Variants in CALB2 observed in about 807,000 individuals in gnomAD.
The protein encoded by CALB2 is calretinin.
A neutral mutation model predicts 45.9 loss-of-function variants in CALB2; 34 were observed. The observed-to-expected ratio is 0.74, with a 90% CI of 0.56 to 0.99. The LOEUF is 0.99. Among genes scored for constraint, CALB2 ranks in the 50% least tolerant of loss-of-function variants. The pLI is 0.00. For missense variants in CALB2, 344 were observed against 339.3 expected (o/e 1.01, Z -0.11); for synonymous variants, 142 against 129.6 (o/e 1.10, Z -0.65).
rs768426697 is a variant in CALB2 at position 71,377,648 on chromosome 16, G to A, written c.262-19G>A. 60 of 1,591,790 alleles carry A rather than the reference G, an allele frequency of 3.8e-5. No individual in the cohort carries two copies. The East Asian group carries it at 9.4e-4, about 25-fold the overall frequency. On this transcript the variant is annotated intron_variant, in intron 3 of 10. Coordinates refer to ENST00000302628, the MANE Select transcript of CALB2 (RefSeq NM_001740.5). ...CAAGTCCCTCCATAACGTTAGTGTC[G>A]CTCTCTGTATCTTCACAGCTGGCGC...
rs2042624395 is a variant in CALB2, at chr16:71,390,398, G to A, written c.*533G>A. ...CTTGTTTACCAAAGAAGAGTTTACA[G>A]ACAATAAAATGGAAAGGTCCTGCTG... is the stretch of plus-strand genomic sequence containing the variant. On this transcript the variant is annotated 3_prime_UTR_variant, in exon 11 of 11. Transcript: ENST00000302628. 1 of 152,880 alleles carries A rather than the reference G, an allele frequency of 6.5e-6. No individual in the cohort carries two copies. The highest frequency in any genetic ancestry group is 1.5e-5 in the Non-Finnish European group (1 of 68,594). 9.5% of individuals were successfully genotyped at this position (152,880 alleles called of 1,614,324 possible).
chr16:71,374,845 C>G lies in CALB2; in HGVS notation c.261+11C>G, dbSNP rs756350024. ...ATCGAGATGGCAGAGGTGAGCCCTG[C>G]CTCGCTGGTAAAGAGCTGTGTGGGA... is the stretch of plus-strand genomic sequence containing the variant. On this transcript the variant is annotated intron_variant, in intron 3 of 10. Transcript: ENST00000302628. The G allele has an allele frequency of 1.3e-6, 2 of 1,589,394 alleles. No individual in the cohort carries two copies. The highest frequency in any genetic ancestry group is 1.7e-6 in the Non-Finnish European group (2 of 1,158,142).
intron 1 of CALB2, among the ~76,000 whole-genome samples, chr16:71,362,367 G>A (rs2042244693): frequency 6.6e-6 from 1 of 152,194 alleles, no homozygotes; most frequent in South Asian, 2.1e-4. Context: ...GATAAGATGA[G>A]TTCTCTTCCA....
At position 71,383,884 on chromosome 16, in the gene CALB2, C is replaced by T. The variant is rs2042531727; in HGVS notation, c.478-86C>T. On this transcript the variant is annotated intron_variant, in intron 6 of 10. Coordinates refer to ENST00000302628, the MANE Select transcript of CALB2 (RefSeq NM_001740.5). The stretch of plus-strand genomic sequence containing the variant: ...GAAGCATGAGCACGTGTCACCCGTC[C>T]TCCTTCCCATCCTCTCCAGTAAAAG... The T allele has an allele frequency of 6.1e-6, 9 of 1,481,306 alleles. No homozygotes were observed. The South Asian group carries it at 1.0e-4, about 17-fold the overall frequency. The allele number at this position is 1,481,306 out of a possible 1,614,324, so 91.8% of individuals were successfully genotyped here. A position where few individuals can be genotyped will look rare whatever the true frequency, so the allele number is the denominator to read the frequency against.
At chr16:71,374,089 C>T (rs2042383142) in intron 2 of CALB2, among the ~76,000 whole-genome samples, 1 of 152,164 alleles carries the variant, frequency 6.6e-6, no homozygotes. Flanking sequence ...TATCTCAAAT[C>T]AGGGGAAGGT....
At chr16:71,389,187 C>CAAAATAAAA (rs71389655) in intron 10 of CALB2, among the ~76,000 whole-genome samples, 23,675 of 150,072 alleles carry the variant, frequency 0.16, 2,587 homozygotes, top group East Asian at 0.32. Context: ...GACTCCGCCT[C>CAAAATAAAA]AAAATAAAAA....
intron 2 of CALB2, among the ~76,000 whole-genome samples, 172 bp downstream of exon 2, chr16:71,372,401 A>G (rs2042362869): frequency 6.6e-6 from 1 of 152,162 alleles, no homozygotes; most frequent in Non-Finnish European, 1.5e-5. Context: ...CTATCTCAAT[A>G]TCCTTGGGTG....
Position 71,389,872 on chromosome 16 carries a change from G to A in CALB2, c.*7G>A. ...CAGCGAGCCCCCCATGTAAAGTGGG[G>A]ACGGGGGCTGCTTCTCCACCTCCCC... On this transcript the variant is annotated 3_prime_UTR_variant, in exon 11 of 11. Transcript: ENST00000302628. 1 of 1,597,868 alleles carries A rather than the reference G, an allele frequency of 6.3e-7. No individual in the cohort carries two copies.
At chr16:71,383,891 C>T in intron 6 of CALB2, 79 bp from the exon 7 acceptor site, 1 of 1,510,292 alleles carries the variant, frequency 6.6e-7, no homozygotes, top group South Asian at 1.1e-5. Context: ...GTCCTCCTTC[C>T]CATCCTCTCC....
chr16:71,364,475 C>T (rs1409499733), intron 1 of CALB2, among the ~76,000 whole-genome samples: 2 of 152,214 alleles, frequency 1.3e-5, no homozygotes, highest in African/African-American at 4.8e-5. Flanking sequence ...AACAGTGCCT[C>T]TCCAGCCCCA....
At chr16:71,386,551 G>A (rs2042573358) in intron 10 of CALB2, among the ~76,000 whole-genome samples, 3 of 152,184 alleles carry the variant, frequency 2.0e-5, no homozygotes, top group Admixed American at 1.3e-4. Context: ...AATACCCTGG[G>A]AGACCCTCCC....
At chr16:71,372,285 C>A in intron 2 of CALB2, 56 bp downstream of exon 2, 2 of 1,267,312 alleles carry the variant, frequency 1.6e-6, no homozygotes, top group Non-Finnish European at 1.1e-6. Context: ...TGCCTTTGAG[C>A]ATGCTGTGTC....
intron 1 of CALB2, among the ~76,000 whole-genome samples, chr16:71,366,176 G>A (rs573095427): frequency 1.4e-5 from 2 of 147,542 alleles, no homozygotes; most frequent in East Asian, 4.0e-4. Context: ...ACGTGTGCCC[G>A]CTACCACGCC....
At chr16:71,360,700 G>A (rs1365412046) in intron 1 of CALB2, among the ~76,000 whole-genome samples, 1 of 152,170 alleles carries the variant, frequency 6.6e-6, no homozygotes, top group Non-Finnish European at 1.5e-5. Context: ...CCATAACCAC[G>A]CAGATCCTTA....
rs1483654026 is a variant in CALB2 at position 71,384,003 on chromosome 16, T to C, written c.511T>C (p.Leu171=). The C allele has an allele frequency of 1.9e-6, 3 of 1,613,714 alleles. No homozygotes were observed. Among genetic ancestry groups the C allele is most frequent in the East Asian group, 2.2e-5 (1 of 44,888 alleles). ...GTTTGACTTGAACGGGGATGGCAAA[T>C]TGGGCCTCTCAGAGATGTCCCGGTA... is the stretch of plus-strand genomic sequence containing the variant. ...RMFDLNGDGK[L]GLSEMSRLLP... is the part of the protein sequence containing the mutation. The change falls in exon 7 of 11, where the codon TTG becomes CTG. Residue 171 remains leucine, a synonymous_variant. Coordinates refer to ENST00000302628, the MANE Select transcript of CALB2 (RefSeq NM_001740.5).
chr16:71,360,625 C>G (rs1358469106), intron 1 of CALB2, among the ~76,000 whole-genome samples: 1 of 152,212 alleles, frequency 6.6e-6, no homozygotes, highest in Non-Finnish European at 1.5e-5. Flanking sequence ...GATGAGTCAG[C>G]TATAAACAGA....
At chr16:71,389,051 G>A (rs937256307) in intron 10 of CALB2, among the ~76,000 whole-genome samples, 6 of 146,874 alleles carry the variant, frequency 4.1e-5, no homozygotes, top group East Asian at 4.0e-4. Flanking sequence ...GGCCAGGTGC[G>A]GTGACTCACA....
At chr16:71,364,462 A>G (rs553061276) in intron 1 of CALB2, among the ~76,000 whole-genome samples, 1 of 152,332 alleles carries the variant, frequency 6.6e-6, no homozygotes, top group South Asian at 2.1e-4. Context: ...GAGGCTCTTC[A>G]AGAACAGTGC....
intron 1 of CALB2, among the ~76,000 whole-genome samples, chr16:71,365,996 CTTTCTTTG>C (rs2042281175): frequency 8.2e-6 from 1 of 122,562 alleles, no homozygotes; most frequent in African/African-American, 3.0e-5. Context: ...TTTTTTCTTT[CTTTCTTTG>C]TTTTCTTCCC....
Sources: allele counts gnomAD v4.1 joint callset (sites outside exome capture counted in the v4.1 genomes callset), GRCh38; gene constraint gnomAD v4.1.1; transcripts MANE v1.5; gene names NCBI Gene and HGNC (gene_info 2026-07-23, HGNC 2026-07-21).